Variants in ARHGAP26 observed in about 807,000 individuals in gnomAD.
The protein encoded by ARHGAP26 is rho GTPase-activating protein 26.
Under a neutral mutation model 104.8 loss-of-function variants are expected in ARHGAP26, and 38 were observed. The ratio of observed to expected loss-of-function variants is 0.36; its 90% CI spans 0.28 to 0.48. The LOEUF (loss-of-function observed/expected upper bound fraction) is 0.48, where lower values mean the gene tolerates loss of function less well. ARHGAP26 is among the 20% of genes least tolerant of loss of function. The pLI is 0.99. For synonymous variants in ARHGAP26, 341 were observed against 340.0 expected, an observed-to-expected ratio of 1.00 and a Z score of -0.03; for missense variants, 704 against 947.9, an observed-to-expected ratio of 0.74 and a Z score of 3.38.
chr5:143,182,780 C>T (rs757984772), intron 20 of ARHGAP26, among the ~76,000 whole-genome samples: 22 of 152,208 alleles, frequency 1.4e-4, no homozygotes, highest in Admixed American at 2.6e-4. Flanking sequence ...AGTAAACAGT[C>T]ACTCTGTCGT....
intron 20 of ARHGAP26, among the ~76,000 whole-genome samples, chr5:143,189,679 A>G (rs1052794974): frequency 3.3e-5 from 5 of 152,224 alleles, no homozygotes; most frequent in South Asian, 2.1e-4. Context: ...AGTAATTGCT[A>G]TATTACACAC....
At chr5:143,200,859 G>A (rs1807613883) in intron 20 of ARHGAP26, among the ~76,000 whole-genome samples, 1 of 152,134 alleles carries the variant, frequency 6.6e-6, no homozygotes, top group Non-Finnish European at 1.5e-5. Context: ...CACATCCCTT[G>A]TCAGACTGGG....
intron 20 of ARHGAP26, among the ~76,000 whole-genome samples, chr5:143,201,645 T>C (rs137986521): frequency 1.5e-4 from 23 of 152,330 alleles, no homozygotes; most frequent in African/African-American, 5.5e-4. Context: ...TGGGCCATAA[T>C]AACCATCCCT....
intron 17 of ARHGAP26, among the ~76,000 whole-genome samples, chr5:143,104,698 C>T (rs1404931743): frequency 1.3e-5 from 2 of 152,094 alleles, no homozygotes; most frequent in East Asian, 1.9e-4. Flanking sequence ...TCTAAATTAT[C>T]GAATACCCAT....
chr5:143,155,765 T>C (rs572888006), intron 20 of ARHGAP26, among the ~76,000 whole-genome samples: 20 of 152,372 alleles, frequency 1.3e-4, no homozygotes, highest in African/African-American at 4.8e-4. Flanking sequence ...TCTTTTCTCC[T>C]GTACAAGCTA....
intron 1 of ARHGAP26, among the ~76,000 whole-genome samples, chr5:142,778,954 A>C (rs896178274): frequency 1.0e-4 from 14 of 133,604 alleles, no homozygotes; most frequent in Non-Finnish European, 1.9e-4. Flanking sequence ...AAAAAAAAAA[A>C]AACTTAGTGT....
chr5:143,176,195 C>T (rs1803453716), intron 20 of ARHGAP26, among the ~76,000 whole-genome samples: 1 of 152,142 alleles, frequency 6.6e-6, no homozygotes. Context: ...TTTATGTCTT[C>T]TCTTAGCCAG....
chr5:143,101,962 C>T (rs1374010376), intron 17 of ARHGAP26, among the ~76,000 whole-genome samples: 9 of 151,162 alleles, frequency 6.0e-5, no homozygotes, highest in Non-Finnish European at 8.8e-5. Context: ...GCTGTGGTGG[C>T]GCTGATAGAA....
intron 20 of ARHGAP26, among the ~76,000 whole-genome samples, chr5:143,170,968 G>A (rs1802683826): frequency 6.6e-6 from 1 of 152,196 alleles, no homozygotes; most frequent in East Asian, 1.9e-4. Flanking sequence ...GGGAGAATAG[G>A]AAGCAGAGAA....
intron 11 of ARHGAP26, among the ~76,000 whole-genome samples, chr5:143,009,637 C>T (rs772040086): frequency 6.6e-6 from 1 of 152,010 alleles, no homozygotes; most frequent in Admixed American, 6.5e-5. Flanking sequence ...TTAGATGGAC[C>T]GTGATAAGAT....
Position 142,851,588 on chromosome 5 carries a change from T to C in ARHGAP26, c.155-21812T>C, listed in dbSNP as rs572075291. Among the ~76,000 whole-genome samples the C allele has an allele frequency of 3.4e-4, 52 of 152,296 alleles. 1 individual carries two copies. The South Asian group carries it at 0.011, about 31-fold the overall frequency. On this transcript the variant is annotated intron_variant, in intron 1 of 22. Coordinates refer to ENST00000645722, the MANE Select transcript of ARHGAP26 (RefSeq NM_001135608.3). ...TGAGTTTTACCTCATAATCAGAAGG[T>C]AACTCCCAACTATTTATGGATCACT...
At chr5:142,879,518 C>A (rs27779) in intron 4 of ARHGAP26, 73 bp downstream of exon 4, 444,743 of 1,353,670 alleles carry the variant, frequency 0.33, 87,416 homozygotes, top group East Asian at 0.8. Flanking sequence ...TTCTTTAAAA[C>A]AAAGTCTTCA....
chr5:142,805,243 C>T (rs1433669152), intron 1 of ARHGAP26, among the ~76,000 whole-genome samples: 1 of 151,974 alleles, frequency 6.6e-6, no homozygotes, highest in African/African-American at 2.4e-5. Context: ...GCTGGGATTA[C>T]AAGCATGTGC....
In ARHGAP26 at chr5:143,223,237, C is replaced by T. The variant is rs561232654; in HGVS notation, c.*791C>T. 4 of 232,932 alleles carry T rather than the reference C, an allele frequency of 1.7e-5. No homozygotes were observed. In the South Asian group the frequency reaches 5.4e-4, roughly 32 times the overall value. The allele number at this position is 232,932 out of a possible 1,614,324, so 14.4% of individuals were successfully genotyped here. A position where few individuals can be genotyped will look rare whatever the true frequency, so the allele number is the denominator to read the frequency against. On this transcript the variant is annotated 3_prime_UTR_variant, in exon 23 of 23. Coordinates refer to ENST00000645722, the MANE Select transcript of ARHGAP26 (RefSeq NM_001135608.3). ...TTTGCATGACACATTTTTTTTCTCC[C>T]CTTTTTGGTACACTTTTTTTGAATG...
chr5:143,002,608 A>G (rs1777355850), intron 11 of ARHGAP26, among the ~76,000 whole-genome samples: 1 of 152,172 alleles, frequency 6.6e-6, no homozygotes, highest in South Asian at 2.1e-4. Context: ...CATCCTACAT[A>G]CATGTCAGCT....
In ARHGAP26 at chr5:143,037,272, T is replaced by A; in HGVS notation, c.1210+11T>A. 2.5e-6 allele frequency: 4 copies of A among 1,587,754 alleles called. No individual in the cohort carries two copies. The highest frequency in any genetic ancestry group is 3.4e-6 in the Non-Finnish European group (4 of 1,160,398). On this transcript the variant is annotated intron_variant, in intron 13 of 22. Transcript: ENST00000645722. ...CTGTGGAAACCAGAGGTAAAGTAGT[T>A]TAACAGATGGCATTGTTCTCATAGA...
intron 17 of ARHGAP26, among the ~76,000 whole-genome samples, chr5:143,084,860 C>T (rs906549476): frequency 6.6e-5 from 10 of 152,086 alleles, no homozygotes; most frequent in East Asian, 1.9e-4. Flanking sequence ...TCCTGGCCAA[C>T]GTGGTGAAAC....
chr5:142,947,118 A>AAAAAAAAG lies in ARHGAP26; in HGVS notation c.1107+14994_1107+14995insAAAAAAGA, dbSNP rs1336588621. On this transcript the variant is annotated intron_variant, in intron 11 of 22. Transcript: ENST00000645722. ...AGTAAAAAAAAAAAAAAAAAAAAAA[A>AAAAAAAAG]AGAGAGAGAGAGAGATGGGGTGGAG... 634 of 144,346 alleles carry AAAAAAAAG rather than the reference A, an allele frequency of 4.4e-3. 7 individuals are homozygous for AAAAAAAAG. The highest frequency in any genetic ancestry group is 0.017 in the African/African-American group (607 of 36,470). 8.9% of individuals were successfully genotyped at this position (144,346 alleles called of 1,614,324 possible).
intron 17 of ARHGAP26, among the ~76,000 whole-genome samples, chr5:143,101,759 G>A (rs186742334): frequency 1.2e-3 from 185 of 151,258 alleles, no homozygotes; most frequent in African/African-American, 3.9e-3. Context: ...TGGAAATGTC[G>A]ACATTTCAAT....
Sources: gnomAD v4.1 joint callset for allele counts (sites outside exome capture counted in the v4.1 genomes callset) on GRCh38, gnomAD v4.1.1 for gene constraint, MANE v1.5 for transcripts, NCBI Gene and HGNC (gene_info 2026-07-23, HGNC 2026-07-21) for gene names.